Variants in NRXN1 observed in about 807,000 individuals in gnomAD.
NRXN1 encodes neurexin-1.
In NRXN1, 39 loss-of-function variants were observed where a neutral mutation model predicts 150.9. The observed-to-expected ratio is 0.26, with a 90% CI of 0.20 to 0.34. The LOEUF is 0.34. NRXN1 is among the 10% of genes least tolerant of loss of function. NRXN1 has a pLI of 1.00. For missense variants in NRXN1, 1,815 were observed against 1,949.9 expected (o/e 0.93, Z 1.30); for synonymous variants, 924 against 757.0 (o/e 1.22, Z -3.62).
chr2:50,022,984 A>G (rs1415975455), intron 21 of NRXN1: 1 of 152,218 alleles, frequency 6.6e-6, no homozygotes, highest in Admixed American at 6.5e-5. Context: ...ATTAAGTAGT[A>G]CTACATCATT....
rs1667693192 is a variant in NRXN1, at chr2:50,552,588, T to C, written c.1758A>G (p.Ser586=). ...YHVDFQRDGR[S]GTISVNTLRT... is the part of the protein sequence containing the mutation. ...AGCATAGAAAAATGATAAGATTACC[T>C]GACCGTCCGTCTCTCTGGAAGTCCA... The change falls in exon 9 of 23, where the codon TCA becomes TCG. Residue 586 remains serine (S), a splice_region_variant and synonymous_variant. Coordinates refer to ENST00000401669, the MANE Select transcript of NRXN1 (RefSeq NM_001330078.2). 3.1e-6 allele frequency: 5 copies of C among 1,606,992 alleles called. No individual in the cohort carries two copies. The highest frequency in any genetic ancestry group is 1.3e-5 in the African/African-American group (1 of 74,822).
intron 17 of NRXN1, among the ~76,000 whole-genome samples, chr2:50,433,497 A>C (rs1207634632): frequency 6.6e-6 from 1 of 151,890 alleles, no homozygotes; most frequent in Non-Finnish European, 1.5e-5. Flanking sequence ...TTTCTTCTAT[A>C]TATTTTCTCA....
chr2:50,016,257 A>C (rs996871636), intron 21 of NRXN1, among the ~76,000 whole-genome samples: 21 of 152,084 alleles, frequency 1.4e-4, no homozygotes, highest in Non-Finnish European at 2.5e-4. Context: ...CGAGGGTTTC[A>C]ACATTACTCA....
At chr2:50,067,047 C>T (rs377562791) in intron 19 of NRXN1, among the ~76,000 whole-genome samples, 2 of 152,102 alleles carry the variant, frequency 1.3e-5, no homozygotes, top group South Asian at 2.1e-4. Context: ...ATGCGCTGTT[C>T]GTGACTAATG....
chr2:50,629,239 TG>T (rs1681786719), intron 5 of NRXN1, among the ~76,000 whole-genome samples: 1 of 151,696 alleles, frequency 6.6e-6, no homozygotes, highest in Non-Finnish European at 1.5e-5. Context: ...AATAATAGAA[TG>T]GATAAATTTC....
chr2:50,963,243 AAAAC>A (rs1282065795), intron 2 of NRXN1, among the ~76,000 whole-genome samples: 5 of 151,548 alleles, frequency 3.3e-5, no homozygotes, highest in African/African-American at 1.2e-4. Context: ...CTGATGTTAA[AAAAC>A]AAACAACAAC....
At chr2:50,531,474 C>A (rs201210484) in intron 10 of NRXN1, 44 bp from the exon 11 acceptor site, 3 of 1,407,202 alleles carry the variant, frequency 2.1e-6, no homozygotes, top group Non-Finnish European at 2.0e-6. Context: ...GATGGTATAG[C>A]GCATTAATAC....
At chr2:50,965,349 C>A (rs537842317) in intron 2 of NRXN1, among the ~76,000 whole-genome samples, 17 of 150,992 alleles carry the variant, frequency 1.1e-4, no homozygotes, top group African/African-American at 4.1e-4. Context: ...AGAAAAATAA[C>A]AGATTGTCAT....
intron 5 of NRXN1, among the ~76,000 whole-genome samples, chr2:50,783,385 C>G (rs1284573211): frequency 6.6e-6 from 1 of 152,066 alleles, no homozygotes; most frequent in Non-Finnish European, 1.5e-5. Flanking sequence ...GATCCTTCTG[C>G]TAATTTTGGA....
At chr2:50,105,492 T>C (rs1464832983) in intron 18 of NRXN1, among the ~76,000 whole-genome samples, 1 of 152,044 alleles carries the variant, frequency 6.6e-6, no homozygotes, top group Non-Finnish European at 1.5e-5. Flanking sequence ...CCAGTTTTTC[T>C]CTAGTATGTT....
chr2:50,305,285 T>C (rs1047025985), intron 17 of NRXN1, among the ~76,000 whole-genome samples: 9 of 152,192 alleles, frequency 5.9e-5, no homozygotes, highest in Non-Finnish European at 1.2e-4. Context: ...ATTATCCCCG[T>C]AAGGTTTAAC....
intron 5 of NRXN1, among the ~76,000 whole-genome samples, chr2:50,687,661 GT>G (rs1379044989): frequency 6.6e-6 from 1 of 152,212 alleles, no homozygotes; most frequent in Non-Finnish European, 1.5e-5. Flanking sequence ...TTAATGTGCA[GT>G]TTTTGTGAAA....
chr2:50,829,075 G>A (rs1382177670), intron 5 of NRXN1, among the ~76,000 whole-genome samples: 6 of 152,126 alleles, frequency 3.9e-5, no homozygotes, highest in Non-Finnish European at 8.8e-5. Flanking sequence ...AAAAAAATAC[G>A]AAAACCAGTC....
chr2:50,695,782 C>T (rs551209547), intron 5 of NRXN1, among the ~76,000 whole-genome samples: 2 of 151,676 alleles, frequency 1.3e-5, no homozygotes, highest in African/African-American at 4.8e-5. Context: ...GTTTTTTGAG[C>T]CTCAGTTTTA....
At chr2:50,813,409 C>T (rs1304447503) in intron 5 of NRXN1, among the ~76,000 whole-genome samples, 1 of 151,992 alleles carries the variant, frequency 6.6e-6, no homozygotes, top group Non-Finnish European at 1.5e-5. Flanking sequence ...CAGTTTCTAG[C>T]TTCCTTTGGT....
intron 2 of NRXN1, among the ~76,000 whole-genome samples, chr2:50,945,877 G>GATATATATATATAT: frequency 7.2e-6 from 1 of 138,682 alleles, no homozygotes; most frequent in South Asian, 2.3e-4. Flanking sequence ...CAGAAAAACA[G>GATATATATATATAT]ATATATATAT....
chr2:50,406,878 T>C (rs2082783784), intron 17 of NRXN1, among the ~76,000 whole-genome samples: 1 of 152,000 alleles, frequency 6.6e-6, no homozygotes, highest in Admixed American at 6.6e-5. Context: ...TATGCAGCAT[T>C]CCTTTTTCAT....
chr2:50,621,196 GA>G, intron 7 of NRXN1, 29 bp downstream of exon 7: 1 of 1,550,228 alleles, frequency 6.5e-7, no homozygotes, highest in African/African-American at 1.4e-5. Flanking sequence ...CAATTAGAAT[GA>G]TATCTACCGA....
intron 18 of NRXN1, among the ~76,000 whole-genome samples, chr2:50,209,419 A>G (rs1379758271): frequency 2.0e-5 from 3 of 152,168 alleles, no homozygotes; most frequent in South Asian, 2.1e-4. Flanking sequence ...TCAGGATTAC[A>G]GTCTAACTCC....
Sources: gnomAD v4.1 joint callset for allele counts (sites outside exome capture counted in the v4.1 genomes callset) on GRCh38, gnomAD v4.1.1 for gene constraint, MANE v1.5 for transcripts, NCBI Gene and HGNC (gene_info 2026-07-23, HGNC 2026-07-21) for gene names.